The following DLG3 variants were observed in gnomAD, a reference collection of about 807,000 sequenced individuals.
DLG3 encodes the protein disks large homolog 3.
Under a neutral mutation model 64.1 loss-of-function variants are expected in DLG3, and 1 was observed. The ratio of observed to expected loss-of-function variants is 0.02; its 90% CI spans 0.01 to 0.07. The LOEUF (loss-of-function observed/expected upper bound fraction) is 0.07, where lower values mean the gene tolerates loss of function less well. Ranked by LOEUF, DLG3 falls within the 10% of genes least tolerant of loss-of-function variation. The probability of loss-of-function intolerance (pLI) is 1.00; values close to 1 mark genes in which losing one functional copy is unlikely to be tolerated. For synonymous variants in DLG3, 245 were observed against 259.8 expected, an observed-to-expected ratio of 0.94 and a Z score of 0.55; for missense variants, 429 against 669.5, an observed-to-expected ratio of 0.64 and a Z score of 3.96.
intron 10 of DLG3, among the ~76,000 whole-genome samples, chrX:70,487,914 G>T (rs1446277173): frequency 9.0e-6 from 1 of 111,513 alleles, no homozygotes; most frequent in Non-Finnish European, 1.9e-5. Context: ...GCCTCCCAAA[G>T]TGCTAAGATT....
At chrX:70,501,952 G>A (rs1374386781) in intron 18 of DLG3, among the ~76,000 whole-genome samples, 1 of 110,766 alleles carries the variant, frequency 9.0e-6, no homozygotes, top group Non-Finnish European at 1.9e-5. Context: ...TGGACTTGGG[G>A]TACCTTGTTG....
intron 10 of DLG3, among the ~76,000 whole-genome samples, chrX:70,489,380 G>T (rs2087315232): frequency 9.0e-6 from 1 of 111,662 alleles, no homozygotes; most frequent in Non-Finnish European, 1.9e-5. Context: ...TTGGCTCATT[G>T]CAACCTCTGC....
chrX:70,468,392 G>A (rs2086918934), intron 9 of DLG3, among the ~76,000 whole-genome samples: 1 of 111,841 alleles, frequency 8.9e-6, no homozygotes, highest in African/African-American at 3.3e-5. Flanking sequence ...TTTTCACTCA[G>A]TAGCTCTTCT....
chrX:70,445,435 C>A lies in DLG3; in HGVS notation c.234C>A (p.Thr78=). The A allele has an allele frequency of 8.3e-7, 1 of 1,200,387 alleles. No individual in the cohort carries two copies. Residue 78 remains threonine (T), a synonymous_variant, in exon 1 of 19, where the codon ACC becomes ACA. Coordinates refer to ENST00000374360, the MANE Select transcript of DLG3 (RefSeq NM_021120.4). The part of the protein sequence containing the change: ...TPRTKAKLIP[T]GRDVGPVPPK... The stretch of plus-strand genomic sequence containing the variant: ...GCACCAAGGCCAAGCTCATCCCCAC[C>A]GGCCGGGATGTGGGGCCGGTGCCTC...
At position 70,502,251 on chromosome X, in the gene DLG3, A is replaced by C. The variant is rs1236776779; in HGVS notation, c.2436A>C (p.Pro812=). The change falls in exon 19 of 19, where the codon CCA becomes CCC. Residue 812 remains proline, a synonymous_variant. Transcript: ENST00000374360. ...AGTCTGGGCACTACATTTGGGTCCC[A>C]TCCCCTGAAAAACTCTGAAGAATCC... ...EDQSGHYIWV[P]SPEKL 1.7e-6 allele frequency: 2 copies of C among 1,199,265 alleles called. No homozygotes were observed. The highest frequency in any genetic ancestry group is 3.5e-5 in the African/African-American group (2 of 56,592).
chrX:70,451,821 T>A (rs1277320781), intron 6 of DLG3, 46 bp from the exon 7 acceptor site: 1 of 1,202,633 alleles, frequency 8.3e-7, no homozygotes, highest in Non-Finnish European at 1.1e-6. Flanking sequence ...TTGGGGTACC[T>A]CCCTGGACCA....
Position 70,452,600 on chromosome X carries a change from C to T in DLG3, c.1145+574C>T, listed in dbSNP as rs2086632098. ...GCAGTGGAGCCGGAAGGGTAGGCAG[C>T]CAGGGGAGAGAGAGAGGAGCTATGG... On this transcript the variant is annotated intron_variant, in intron 7 of 18. Transcript: ENST00000374360. 4 of 1,174,633 alleles carry T rather than the reference C, an allele frequency of 3.4e-6. No homozygotes were observed. The East Asian group carries it at 1.3e-4, about 37-fold the overall frequency.
intron 13 of DLG3, 99 bp downstream of exon 13, chrX:70,495,552 G>A (rs2087440054): frequency 3.6e-6 from 3 of 828,515 alleles, no homozygotes; most frequent in Non-Finnish European, 5.5e-6. Context: ...AGGGTGAGGG[G>A]AGGGCAGTGT....
intron 1 of DLG3, 86 bp downstream of exon 1, chrX:70,445,644 C>G (rs1342611866): frequency 1.1e-6 from 1 of 906,544 alleles, no homozygotes; most frequent in African/African-American, 2.0e-5. Context: ...CAGTAGGGGT[C>G]GCTGGGGCTC....
intron 9 of DLG3, among the ~76,000 whole-genome samples, chrX:70,461,899 A>T (rs1016057760): frequency 9.0e-6 from 1 of 111,451 alleles, no homozygotes; most frequent in Non-Finnish European, 1.9e-5. Flanking sequence ...TGATTGAGAT[A>T]TAATTCACAT....
rs1274145837 is a variant in DLG3, at chrX:70,452,471, A to AGCGGCG, written c.1145+451_1145+456dup. 69 of 977,449 alleles carry AGCGGCG rather than the reference A, an allele frequency of 7.1e-5. No homozygotes were observed. In the African/African-American group the frequency reaches 1.2e-3, roughly 17 times the overall value. 80.6% of individuals were successfully genotyped at this position (977,449 alleles called of 1,213,427 possible). A position where few individuals can be genotyped will look rare whatever the true frequency, so the allele number is the denominator to read the frequency against. ...GCAACGGCCCCGCCCCGCTGGCGGC[A>AGCGGCG]GCGGCGGCGGCAGCGGCTGCGCGGG... On this transcript the variant is annotated intron_variant, in intron 7 of 18. Transcript: ENST00000374360.
At position 70,502,194 on chromosome X, in the gene DLG3, T is replaced by G; in HGVS notation, c.2379T>G (p.Ile793Met). The part of the protein sequence containing the change: ...AIVQGDSLEE[I>M]YNKIKQIIED... ...TACAGGGTGACTCACTGGAAGAGAT[T>G]TATAACAAAATCAAACAAATCATTG... Residue 793 changes from isoleucine to methionine, a missense_variant, in exon 19 of 19, where the codon ATT becomes ATG. This residue lies in a region of DLG3 where 48 missense variants were observed against 69.5 expected (regional missense o/e 0.69). Transcript: ENST00000374360. 1.7e-6 allele frequency: 2 copies of G among 1,209,685 alleles called. No homozygotes were observed. Among genetic ancestry groups the G allele is most frequent in the Non-Finnish European group, 2.2e-6 (2 of 894,229 alleles).
intron 9 of DLG3, among the ~76,000 whole-genome samples, chrX:70,473,411 C>T (rs2087004909): frequency 9.0e-6 from 1 of 110,661 alleles, no homozygotes; most frequent in Non-Finnish European, 1.9e-5. Flanking sequence ...CCCCTTCCCA[C>T]AGGTAGGTTA....
chrX:70,454,615 G>A (rs1261836039), intron 9 of DLG3, among the ~76,000 whole-genome samples: 3 of 111,934 alleles, frequency 2.7e-5, no homozygotes, highest in Non-Finnish European at 5.6e-5. Context: ...AAAGGGGAGG[G>A]GGCGGAGGGC....
At chrX:70,501,397 GTGTCTGTC>G (rs200567686) in intron 18 of DLG3, among the ~76,000 whole-genome samples, 1 of 97,284 alleles carries the variant, frequency 1.0e-5, no homozygotes, top group South Asian at 4.9e-4. Context: ...GTCTGTTGGG[GTGTCTGTC>G]TGTCTGTCTG....
chrX:70,487,714 C>T (rs922358960), intron 10 of DLG3, among the ~76,000 whole-genome samples: 13 of 111,636 alleles, frequency 1.2e-4, no homozygotes, highest in East Asian at 5.7e-4. Flanking sequence ...TGCAATGGCG[C>T]GATCTCGGTT....
chrX:70,453,245 C>T (rs1270322182), intron 7 of DLG3: 5 of 182,144 alleles, frequency 2.7e-5, no homozygotes, highest in African/African-American at 1.5e-4. Flanking sequence ...CTCCACTGCC[C>T]CTAACTGCTT....
At chrX:70,450,007 C>T (rs1447412317) in intron 4 of DLG3, 148 bp downstream of exon 4, 2 of 973,206 alleles carry the variant, frequency 2.1e-6, no homozygotes, top group African/African-American at 3.8e-5. Context: ...CCTCAGGCCT[C>T]ACCCTTACTC....
At chrX:70,479,304 A>G in intron 10 of DLG3, 40 bp downstream of exon 10, 1 of 1,028,899 alleles carries the variant, frequency 9.7e-7, no homozygotes. Context: ...GTGCTGGACG[A>G]GGAGAGCTCC....
Sources: allele counts gnomAD v4.1 joint callset (sites outside exome capture counted in the v4.1 genomes callset), GRCh38; gene constraint gnomAD v4.1.1; regional missense constraint gnomAD v4.1.1; transcripts MANE v1.5; gene names NCBI Gene and HGNC (gene_info 2026-07-23, HGNC 2026-07-21).